KCNQ5: variants seen among roughly 807,000 people sequenced by gnomAD.
The protein encoded by KCNQ5 is potassium voltage-gated channel subfamily Q member 5.
A neutral mutation model predicts 98.2 loss-of-function variants in KCNQ5; 30 were observed. The observed-to-expected ratio is 0.31, with a 90% CI of 0.23 to 0.41. KCNQ5 has a LOEUF of 0.41. KCNQ5 is among the 10% of genes least tolerant of loss of function. The pLI, the probability that KCNQ5 is intolerant of heterozygous loss-of-function variation, is 1.00. For missense variants in KCNQ5, 835 were observed against 1,182.5 expected, an observed-to-expected ratio of 0.71 and a Z score of 4.31; for synonymous variants, 458 against 449.4, an observed-to-expected ratio of 1.02 and a Z score of -0.24.
At chr6:72,711,062 T>G (rs1340923513) in intron 1 of KCNQ5, among the ~76,000 whole-genome samples, 1 of 152,108 alleles carries the variant, frequency 6.6e-6, no homozygotes, top group Admixed American at 6.6e-5. Context: ...TATGTGGAAA[T>G]TAATTCCCCA....
At chr6:73,024,554 T>G (rs561402202) in intron 2 of KCNQ5, among the ~76,000 whole-genome samples, 2 of 152,308 alleles carry the variant, frequency 1.3e-5, no homozygotes, top group African/African-American at 4.8e-5. Context: ...CTCTTTCTCT[T>G]GACTCAGTAA....
At chr6:73,134,453 T>A (rs1776380069) in intron 10 of KCNQ5, 1 of 152,582 alleles carries the variant, frequency 6.6e-6, no homozygotes. Context: ...TTCTGTTCCC[T>A]TTTCCTAAAT....
chr6:73,169,541 C>T (rs556463923), intron 10 of KCNQ5, among the ~76,000 whole-genome samples: 10 of 152,236 alleles, frequency 6.6e-5, no homozygotes, highest in Admixed American at 3.9e-4. Flanking sequence ...GAAAACAGTT[C>T]AGAAAAGTAT....
At chr6:72,635,670 G>GTTTTTT (rs528990234) in intron 1 of KCNQ5, among the ~76,000 whole-genome samples, 66 of 65,052 alleles carry the variant, frequency 1.0e-3, no homozygotes, top group African/African-American at 1.6e-3. Flanking sequence ...ATTGCTCCTA[G>GTTTTTT]TTTTTTTTTT....
At position 72,927,232 on chromosome 6, in the gene KCNQ5, G is replaced by A. The variant is rs949257554; in HGVS notation, c.399-76676G>A. Among the ~76,000 whole-genome samples, 13 of 152,228 alleles carry A rather than the reference G, an allele frequency of 8.5e-5. No homozygotes were observed. In the South Asian group the frequency reaches 1.0e-3, roughly 12 times the overall value. ...GGAAATGCTAAAAGTTTTACAACCC[G>A]AATTCTGTAGTTTTAATTTGTGGCA... On this transcript the variant is annotated intron_variant, in intron 1 of 13. Coordinates refer to ENST00000370398, the MANE Select transcript of KCNQ5 (RefSeq NM_019842.4).
chr6:72,710,284 A>G (rs533496257), intron 1 of KCNQ5, among the ~76,000 whole-genome samples: 83 of 152,362 alleles, frequency 5.4e-4, no homozygotes, highest in Middle Eastern at 3.4e-3. Context: ...GCAATCAGAA[A>G]TCAATTAATA....
Position 72,864,727 on chromosome 6 carries a change from A to G in KCNQ5, c.399-139181A>G, listed in dbSNP as rs1031548526. 7.2e-5 allele frequency among the ~76,000 whole-genome samples: 11 copies of G among 152,156 alleles called. No individual in the cohort carries two copies. The South Asian group carries it at 1.0e-3, about 14-fold the overall frequency. On this transcript the variant is annotated intron_variant, in intron 1 of 13. Coordinates refer to ENST00000370398, the MANE Select transcript of KCNQ5 (RefSeq NM_019842.4). ...CTTAGCACAATTTTAGGCTTGACTA[A>G]TTTAGAAATATAAGTGCTACAAACT...
intron 5 of KCNQ5, among the ~76,000 whole-genome samples, chr6:73,096,166 C>T (rs961838661): frequency 9.2e-5 from 14 of 151,926 alleles, no homozygotes; most frequent in African/African-American, 2.2e-4. Context: ...GGAGGCATCC[C>T]GGATGGGAGA....
chr6:72,830,127 A>T (rs1311197151), intron 1 of KCNQ5, among the ~76,000 whole-genome samples: 1 of 152,222 alleles, frequency 6.6e-6, no homozygotes, highest in African/African-American at 2.4e-5. Context: ...ATGGATAGGA[A>T]GAATCAATAT....
intron 7 of KCNQ5, among the ~76,000 whole-genome samples, chr6:73,112,352 T>G (rs983151085): frequency 4.7e-5 from 7 of 149,376 alleles, no homozygotes; most frequent in Admixed American, 2.0e-4. Context: ...TTTGTTTTGT[T>G]TTTTTTTTTT....
chr6:72,691,112 G>C lies in KCNQ5; in HGVS notation c.398+68525G>C, dbSNP rs139708899. On this transcript the variant is annotated intron_variant, in intron 1 of 13. Coordinates refer to ENST00000370398, the MANE Select transcript of KCNQ5 (RefSeq NM_019842.4). ...TCAAAAATCAGTAAATTCAAAAGGA[G>C]TTATAGTTTCAGAGTATTTGGCATA... is the stretch of plus-strand genomic sequence containing the variant. Among the ~76,000 whole-genome samples the C allele has an allele frequency of 2.1e-4, 32 of 152,262 alleles. No homozygotes were observed. The East Asian group carries it at 6.0e-3, about 28-fold the overall frequency.
At chr6:73,091,755 G>T (rs1033492847) in intron 5 of KCNQ5, among the ~76,000 whole-genome samples, 1 of 41,886 alleles carries the variant, frequency 2.4e-5, no homozygotes, top group African/African-American at 4.9e-5. Context: ...GGTTGGTTGG[G>T]TTTTTTGTTG....
At chr6:73,089,414 G>A (rs912352052) in intron 5 of KCNQ5, among the ~76,000 whole-genome samples, 2 of 152,008 alleles carry the variant, frequency 1.3e-5, no homozygotes, top group African/African-American at 2.4e-5. Flanking sequence ...GTCCCCCAGC[G>A]ATTATTTTTC....
chr6:73,080,473 A>G lies in KCNQ5; in HGVS notation c.918+2586A>G, dbSNP rs190144166. Among the ~76,000 whole-genome samples, 223 of 152,338 alleles carry G rather than the reference A, an allele frequency of 1.5e-3. 1 individual carries two copies. Among genetic ancestry groups the G allele is most frequent in the Non-Finnish European group, 2.1e-3 (141 of 68,036 alleles). ...AAAAGACAGAAGAAGCAAACAAACA[A>G]GAGAGCTCATTGTTTCTATTCATTT... On this transcript the variant is annotated intron_variant, in intron 5 of 13. Transcript: ENST00000370398.
At chr6:72,701,365 G>A in intron 1 of KCNQ5, among the ~76,000 whole-genome samples, 1 of 152,126 alleles carries the variant, frequency 6.6e-6, no homozygotes, top group East Asian at 1.9e-4. Context: ...CAAAAATACT[G>A]CTTTAGACAA....
Position 73,173,834 on chromosome 6 carries a change from T to C in KCNQ5, c.1577+3980T>C, listed in dbSNP as rs1413615587. 2.0e-5 allele frequency among the ~76,000 whole-genome samples: 3 copies of C among 151,762 alleles called. No homozygotes were observed. The East Asian group carries it at 5.8e-4, about 29-fold the overall frequency. ...CACTAAAATAACAAATATTTGAAAG[T>C]CATATACAACTGCATATTTATGGAA... On this transcript the variant is annotated intron_variant, in intron 11 of 13. Coordinates refer to ENST00000370398, the MANE Select transcript of KCNQ5 (RefSeq NM_019842.4).
chr6:72,639,349 G>T (rs1301070312), intron 1 of KCNQ5, among the ~76,000 whole-genome samples: 1 of 152,220 alleles, frequency 6.6e-6, no homozygotes, highest in Admixed American at 6.5e-5. Context: ...AAGGCGAGGG[G>T]CCAGAACCTA....
Position 73,195,435 on chromosome 6 carries a change from G to C in KCNQ5, c.*21G>C. 1 of 1,604,858 alleles carries C rather than the reference G, an allele frequency of 6.2e-7. No homozygotes were observed. The highest frequency in any genetic ancestry group is 8.5e-7 in the Non-Finnish European group (1 of 1,174,430). On this transcript the variant is annotated 3_prime_UTR_variant, in exon 14 of 14. Transcript: ENST00000370398. ...AATAAGTTCTTCATTTTCTTTCCAG[G>C]CATAGCAGTTCTTTAGCCATACATA...
intron 1 of KCNQ5, among the ~76,000 whole-genome samples, chr6:72,997,218 C>T (rs9359011): frequency 0.68 from 102,574 of 151,864 alleles, 37,599 homozygotes; most frequent in Non-Finnish European, 0.82. Context: ...TCTGGCCACA[C>T]GAATTTCCTG....
Sources: gnomAD v4.1 joint callset for allele counts (sites outside exome capture counted in the v4.1 genomes callset) on GRCh38, gnomAD v4.1.1 for gene constraint, MANE v1.5 for transcripts, NCBI Gene and HGNC (gene_info 2026-07-23, HGNC 2026-07-21) for gene names.